Variants in RGS13 observed in about 807,000 individuals in gnomAD.
RGS13 encodes regulator of G protein signaling 13, also known as regulator of G-protein signalling 13.
In RGS13, 14 loss-of-function variants were observed where a neutral mutation model predicts 19.9. The observed-to-expected ratio is 0.70, with a 90% CI of 0.46 to 1.10. The LOEUF (loss-of-function observed/expected upper bound fraction) is 1.10. RGS13 is among the 50% of genes least tolerant of loss of function. The pLI, the probability that RGS13 is intolerant of heterozygous loss-of-function variation, is 0.00. For missense variants in RGS13, 205 were observed against 187.1 expected, an observed-to-expected ratio of 1.10 and a Z score of -0.56; for synonymous variants, 60 against 56.8, an observed-to-expected ratio of 1.06 and a Z score of -0.25.
intron 5 of RGS13, among the ~76,000 whole-genome samples, chr1:192,652,659 A>C (rs1455824261): frequency 1.3e-5 from 2 of 151,870 alleles, no homozygotes; most frequent in African/African-American, 4.8e-5. Context: ...TCAGATATAA[A>C]CCTGTCGTCT....
intron 5 of RGS13, among the ~76,000 whole-genome samples, chr1:192,653,477 T>C (rs571683168): frequency 6.6e-6 from 1 of 152,160 alleles, no homozygotes; most frequent in African/African-American, 2.4e-5. Flanking sequence ...TTTAAATCAA[T>C]TATTTTCCCT....
chr1:192,659,461 T>C lies in RGS13; in HGVS notation c.418T>C (p.Phe140Leu), dbSNP rs1380784062. Residue 140 changes from phenylalanine to leucine, a missense_variant, in exon 7 of 7, where the codon TTT becomes CTT. Phe to Leu is a conservative substitution (Grantham distance 22, BLOSUM62 0). Coordinates refer to ENST00000391995, the MANE Select transcript of RGS13 (RefSeq NM_002927.5). ...MHMERDSYPR[F>L]LKSEMYQKLL... ...TATGGAAAGGGATTCCTACCCCAGATTTCTAAAGTCAGAAATGTACCAAAA... is the reference window on the plus strand; with the variant it reads ...TATGGAAAGGGATTCCTACCCCAGACTTCTAAAGTCAGAAATGTACCAAAA... The C allele has an allele frequency of 2.7e-5, 44 of 1,612,840 alleles. No homozygotes were observed. The highest frequency in any genetic ancestry group is 3.6e-5 in the Non-Finnish European group (43 of 1,179,434).
chr1:192,653,737 C>G (rs1663384681), intron 5 of RGS13, among the ~76,000 whole-genome samples: 1 of 151,998 alleles, frequency 6.6e-6, no homozygotes, highest in Admixed American at 6.6e-5. Context: ...TAGGATCATT[C>G]CAGTGTGTAT....
chr1:192,642,860 T>C (rs1029633788), intron 3 of RGS13, among the ~76,000 whole-genome samples: 2 of 151,910 alleles, frequency 1.3e-5, no homozygotes, highest in Non-Finnish European at 2.9e-5. Context: ...GGATTTTTTG[T>C]TTTTGTTTTT....
intron 3 of RGS13, among the ~76,000 whole-genome samples, chr1:192,641,306 G>GAAAGAAAGAA (rs201039158): frequency 1.7e-4 from 18 of 105,490 alleles, no homozygotes; most frequent in Admixed American, 4.0e-4. Flanking sequence ...AAGAAAGAAA[G>GAAAGAAAGAA]AAAAGAAAGA....
At chr1:192,657,531 G>A (rs1266256160) in intron 5 of RGS13, among the ~76,000 whole-genome samples, 1 of 152,134 alleles carries the variant, frequency 6.6e-6, no homozygotes, top group Non-Finnish European at 1.5e-5. Flanking sequence ...CAAGTGTTAT[G>A]TGATGGTTAC....
chr1:192,649,338 A>G (rs1663295953), intron 5 of RGS13, among the ~76,000 whole-genome samples: 1 of 152,124 alleles, frequency 6.6e-6, no homozygotes, highest in African/African-American at 2.4e-5. Flanking sequence ...TTTTGTCCCA[A>G]TCCTCTGTAA....
chr1:192,657,161 C>G (rs921577696), intron 5 of RGS13, among the ~76,000 whole-genome samples: 1 of 151,970 alleles, frequency 6.6e-6, no homozygotes, highest in Non-Finnish European at 1.5e-5. Flanking sequence ...AACAAAATAT[C>G]CTAACAGTCT....
In RGS13 at chr1:192,644,498, C is replaced by A. The variant is rs1372579389; in HGVS notation, c.65+99C>A. 3.2e-6 allele frequency: 3 copies of A among 943,662 alleles called. No homozygotes were observed. In the East Asian group the frequency reaches 7.4e-5, roughly 23 times the overall value. The allele number at this position is 943,662 out of a possible 1,614,324, so 58.5% of individuals were successfully genotyped here. ...AACTGCTATTGTAACATATTTTGTTCAGAAAGTAAAATTTGCATTTACACG... is the reference window on the plus strand; with the variant it reads ...AACTGCTATTGTAACATATTTTGTTAAGAAAGTAAAATTTGCATTTACACG... On this transcript the variant is annotated intron_variant, in intron 4 of 6. Transcript: ENST00000391995.
intron 4 of RGS13, 146 bp from the exon 5 acceptor site, chr1:192,647,780 A>C (rs1663247834): frequency 2.6e-6 from 1 of 389,878 alleles, no homozygotes; most frequent in Non-Finnish European, 4.6e-6. Context: ...AAAATATCAC[A>C]GGAAAATAAC....
chr1:192,638,120 T>G (rs1161727707), intron 2 of RGS13, 44 bp from the exon 3 acceptor site: 1 of 152,120 alleles, frequency 6.6e-6, no homozygotes, highest in Non-Finnish European at 1.5e-5. Flanking sequence ...ATTTTGCAAA[T>G]TCTTTGTCCT....
intron 5 of RGS13, among the ~76,000 whole-genome samples, chr1:192,653,164 A>G (rs1663374277): frequency 6.6e-6 from 1 of 152,120 alleles, no homozygotes; most frequent in Non-Finnish European, 1.5e-5. Context: ...GTATATAAAG[A>G]GATCTGAAAA....
At chr1:192,640,629 C>A (rs1663088491) in intron 3 of RGS13, among the ~76,000 whole-genome samples, 1 of 133,082 alleles carries the variant, frequency 7.5e-6, no homozygotes. Context: ...CTTCCATTTT[C>A]TTCCTTCCTA....
intron 5 of RGS13, among the ~76,000 whole-genome samples, chr1:192,651,672 C>T (rs528979604): frequency 1.2e-4 from 18 of 152,142 alleles, no homozygotes; most frequent in Admixed American, 2.6e-4. Context: ...GGAACAGGGA[C>T]ACTTGCCCCT....
At chr1:192,637,979 A>G (rs1663043432) in intron 2 of RGS13, among the ~76,000 whole-genome samples, 185 bp from the exon 3 acceptor site, 1 of 152,058 alleles carries the variant, frequency 6.6e-6, no homozygotes, top group African/African-American at 2.4e-5. Flanking sequence ...GAAGTTCTCA[A>G]TTGTAAATGT....
intron 3 of RGS13, among the ~76,000 whole-genome samples, chr1:192,641,907 A>G (rs74633148): frequency 0.033 from 5,032 of 152,092 alleles, 215 homozygotes; most frequent in East Asian, 0.11. Context: ...TGGGTCAACA[A>G]GTTCTAATAG....
At chr1:192,649,376 ATC>A (rs1203369318) in intron 5 of RGS13, among the ~76,000 whole-genome samples, 16 of 152,092 alleles carry the variant, frequency 1.1e-4, no homozygotes, top group Non-Finnish European at 7.4e-5. Flanking sequence ...TGCTAGATTG[ATC>A]TCTTTCTTGG....
In RGS13 at chr1:192,643,227, A is replaced by G. The variant is rs374544249; in HGVS notation, c.-4-1104A>G. 2.6e-5 allele frequency among the ~76,000 whole-genome samples: 4 copies of G among 152,142 alleles called. No homozygotes were observed. The East Asian group carries it at 7.7e-4, about 29-fold the overall frequency. Reference sequence around the variant, plus strand: ...AGGACAGACAAGATGTATATTGATCACAGGCAGCCAGAACTTGGCACATAA... The same window carrying G: ...AGGACAGACAAGATGTATATTGATCGCAGGCAGCCAGAACTTGGCACATAA... On this transcript the variant is annotated intron_variant, in intron 3 of 6. Transcript: ENST00000391995.
At chr1:192,650,677 G>A (rs1369126977) in intron 5 of RGS13, among the ~76,000 whole-genome samples, 1 of 151,986 alleles carries the variant, frequency 6.6e-6, no homozygotes, top group Non-Finnish European at 1.5e-5. Context: ...AGTGGGAAAA[G>A]GGGATCCAAG....
Sources: gnomAD v4.1 joint callset for allele counts (sites outside exome capture counted in the v4.1 genomes callset) on GRCh38, gnomAD v4.1.1 for gene constraint, MANE v1.5 for transcripts, NCBI Gene and HGNC (gene_info 2026-07-23, HGNC 2026-07-21) for gene names.